Variants in GRM7 observed in about 807,000 individuals in gnomAD.
GRM7 encodes the protein glutamate metabotropic receptor 7.
GRM7 carries 35 observed loss-of-function variants against 84.5 expected under a neutral mutation model. The ratio of observed to expected loss-of-function variants is 0.41; its 90% CI spans 0.32 to 0.55. The LOEUF (loss-of-function observed/expected upper bound fraction) is 0.55, where lower values mean the gene tolerates loss of function less well. Ranked by LOEUF, GRM7 falls within the 20% of genes least tolerant of loss-of-function variation. GRM7 has a pLI of 0.19. For synonymous variants in GRM7, 487 were observed against 455.1 expected (o/e 1.07, Z -0.89); for missense variants, 1,003 against 1,194.6 (o/e 0.84, Z 2.36).
At chr3:6,890,719 G>A (rs550164479) in intron 1 of GRM7, among the ~76,000 whole-genome samples, 5 of 152,242 alleles carry the variant, frequency 3.3e-5, no homozygotes, top group Admixed American at 2.6e-4. Flanking sequence ...TTGATTTGGG[G>A]TGGAGAGTTC....
chr3:7,707,099 A>G (rs1001351856), intron 9 of GRM7, among the ~76,000 whole-genome samples: 1 of 152,216 alleles, frequency 6.6e-6, no homozygotes, highest in Non-Finnish European at 1.5e-5. Context: ...TCTCATAATA[A>G]GCAGCTTAAA....
intron 4 of GRM7, among the ~76,000 whole-genome samples, chr3:7,349,286 T>C (rs1011596596): frequency 5.9e-5 from 9 of 152,284 alleles, no homozygotes; most frequent in African/African-American, 2.2e-4. Context: ...ATTAAGAGAC[T>C]GGCCACTGCA....
chr3:7,182,703 C>G (rs1424131838), intron 2 of GRM7, among the ~76,000 whole-genome samples: 3 of 152,140 alleles, frequency 2.0e-5, no homozygotes, highest in African/African-American at 7.2e-5. Flanking sequence ...CTTTCCTAAT[C>G]TCACCAATAG....
chr3:7,438,359 A>G (rs781491966), intron 5 of GRM7, among the ~76,000 whole-genome samples: 4 of 152,076 alleles, frequency 2.6e-5, no homozygotes, highest in Non-Finnish European at 4.4e-5. Flanking sequence ...TGGGTGAGAT[A>G]TGGGGAAATG....
At chr3:7,550,426 CT>C (rs1693397123) in intron 7 of GRM7, among the ~76,000 whole-genome samples, 1 of 145,790 alleles carries the variant, frequency 6.9e-6, no homozygotes, top group Non-Finnish European at 1.5e-5. Context: ...CCCTCCCTCC[CT>C]CCCTCCCTTC....
intron 1 of GRM7, among the ~76,000 whole-genome samples, chr3:7,138,034 G>GTT (rs1693825470): frequency 1.3e-5 from 2 of 151,952 alleles, no homozygotes; most frequent in Admixed American, 1.3e-4. Context: ...CTATGTAGTG[G>GTT]TAGAAGTAAA....
chr3:7,658,314 G>A (rs1015482240), intron 8 of GRM7, among the ~76,000 whole-genome samples: 1 of 152,176 alleles, frequency 6.6e-6, no homozygotes, highest in African/African-American at 2.4e-5. Context: ...AGTACAGAAT[G>A]TTCTAAAAAG....
At position 7,529,323 on chromosome 3, in the gene GRM7, G is replaced by A. The variant is rs114043833; in HGVS notation, c.1516-49099G>A. On this transcript the variant is annotated intron_variant, in intron 7 of 9. Coordinates refer to ENST00000357716, the MANE Select transcript of GRM7 (RefSeq NM_000844.4). ...GTTAAGGTTTGTTGAAGGAATCTTT[G>A]TGATAGCTTCTGGTTCTTAAGAGGC... Among the ~76,000 whole-genome samples the A allele has an allele frequency of 4.3e-3, 659 of 151,940 alleles. 1 individual carries two copies. The highest frequency in any genetic ancestry group is 0.015 in the African/African-American group (616 of 41,318).
rs114651483 is a variant in GRM7, at chr3:7,499,553, T to C, written c.1515+37831T>C. Among the ~76,000 whole-genome samples the C allele has an allele frequency of 8.5e-3, 1,294 of 152,316 alleles. 18 individuals carry two copies. The highest frequency in any genetic ancestry group is 0.029 in the African/African-American group (1,222 of 41,558). On this transcript the variant is annotated intron_variant, in intron 7 of 9. Transcript: ENST00000357716. ...CTGGTAGGCTCTATTTTAAATGCTTTACATGTTTATTCTCACAAAATTCTC... is the reference window on the plus strand; with the variant it reads ...CTGGTAGGCTCTATTTTAAATGCTTCACATGTTTATTCTCACAAAATTCTC...
At chr3:7,683,380 G>GA (rs1700454366) in intron 9 of GRM7, among the ~76,000 whole-genome samples, 1 of 152,238 alleles carries the variant, frequency 6.6e-6, no homozygotes. Flanking sequence ...AAACAATTCA[G>GA]AAAAATAAAA....
intron 4 of GRM7, among the ~76,000 whole-genome samples, chr3:7,399,305 GTCC>G (rs1157745789): frequency 6.6e-6 from 1 of 151,838 alleles, no homozygotes; most frequent in African/African-American, 2.4e-5. Flanking sequence ...CTTTATCAAG[GTCC>G]TCATTTTTGG....
chr3:6,960,724 G>A, intron 1 of GRM7, among the ~76,000 whole-genome samples: 1 of 152,044 alleles, frequency 6.6e-6, no homozygotes, highest in Non-Finnish European at 1.5e-5. Flanking sequence ...CTTCTGACTT[G>A]AATAGAAAAT....
intron 8 of GRM7, among the ~76,000 whole-genome samples, chr3:7,671,433 T>TAATC (rs1006239738): frequency 3.9e-5 from 6 of 152,050 alleles, no homozygotes; most frequent in Non-Finnish European, 7.4e-5. Context: ...AGCATGAACA[T>TAATC]AATCACTTAT....
At chr3:7,197,447 G>A (rs1292577582) in intron 2 of GRM7, among the ~76,000 whole-genome samples, 1 of 151,986 alleles carries the variant, frequency 6.6e-6, no homozygotes, top group East Asian at 1.9e-4. Context: ...GCTGCCTTTA[G>A]GTCTTTAATA....
At chr3:7,081,637 G>C (rs569150542) in intron 1 of GRM7, among the ~76,000 whole-genome samples, 1 of 152,136 alleles carries the variant, frequency 6.6e-6, no homozygotes, top group East Asian at 1.9e-4. Flanking sequence ...AGCTTAGTGA[G>C]GAAGGCATGT....
chr3:7,076,611 C>A (rs1389208053), intron 1 of GRM7, among the ~76,000 whole-genome samples: 1 of 152,080 alleles, frequency 6.6e-6, no homozygotes, highest in East Asian at 1.9e-4. Flanking sequence ...CTTGGGTATC[C>A]TTATAGCACT....
At chr3:7,304,168 C>T (rs540600289) in intron 3 of GRM7, among the ~76,000 whole-genome samples, 64 of 151,934 alleles carry the variant, frequency 4.2e-4, no homozygotes, top group African/African-American at 1.4e-3. Context: ...GTTCTAATTG[C>T]GGAGGGAAAA....
intron 1 of GRM7, among the ~76,000 whole-genome samples, chr3:6,909,994 A>G (rs1043929971): frequency 2.6e-5 from 4 of 152,122 alleles, no homozygotes; most frequent in South Asian, 2.1e-4. Context: ...ATATATAAAA[A>G]TTCTATATTA....
intron 4 of GRM7, among the ~76,000 whole-genome samples, chr3:7,414,710 A>G (rs1259799640): frequency 6.6e-6 from 1 of 152,100 alleles, no homozygotes; most frequent in Non-Finnish European, 1.5e-5. Context: ...AGGAGCTGAC[A>G]TGGTTAGGGA....
Sources: gnomAD v4.1 joint callset for allele counts (sites outside exome capture counted in the v4.1 genomes callset) on GRCh38, gnomAD v4.1.1 for gene constraint, MANE v1.5 for transcripts, NCBI Gene and HGNC (gene_info 2026-07-23, HGNC 2026-07-21) for gene names.